Variants in NTM observed in about 807,000 individuals in gnomAD.
NTM encodes neurotrimin.
In NTM, 13 loss-of-function variants were observed where a neutral mutation model predicts 42.1. That is an observed-to-expected ratio of 0.31 (90% CI 0.20 to 0.49). NTM has a LOEUF of 0.49. Ranked by LOEUF, NTM falls within the 20% of genes least tolerant of loss-of-function variation. The pLI, the probability that NTM is intolerant of heterozygous loss-of-function variation, is 0.99. For missense variants in NTM, 373 were observed against 452.8 expected, an observed-to-expected ratio of 0.82 and a Z score of 1.60; for synonymous variants, 187 against 179.2, an observed-to-expected ratio of 1.04 and a Z score of -0.35.
At chr11:131,504,206 C>G (rs1213325069) in intron 1 of NTM, among the ~76,000 whole-genome samples, 1 of 152,208 alleles carries the variant, frequency 6.6e-6, no homozygotes, top group Non-Finnish European at 1.5e-5. Flanking sequence ...CTCACCCTTC[C>G]TATCTCTGTC....
chr11:131,533,840 A>C (rs2051688453), intron 1 of NTM: 1 of 152,244 alleles, frequency 6.6e-6, no homozygotes, highest in Admixed American at 6.5e-5. Context: ...GTCCAGCAAC[A>C]AAAGCCAATG....
intron 4 of NTM, among the ~76,000 whole-genome samples, chr11:132,299,595 G>A (rs1472010019): frequency 6.6e-6 from 1 of 152,140 alleles, no homozygotes; most frequent in East Asian, 1.9e-4. Context: ...TACGACTTAC[G>A]CACAGCTCAC....
chr11:132,041,523 T>G (rs1373701934), intron 2 of NTM, among the ~76,000 whole-genome samples: 1 of 152,190 alleles, frequency 6.6e-6, no homozygotes, highest in Non-Finnish European at 1.5e-5. Flanking sequence ...TCTCTGGGCA[T>G]TAATGTGCTG....
In NTM at chr11:131,609,188, G is replaced by C. The variant is rs556005824; in HGVS notation, c.82+238300G>C. Among the ~76,000 whole-genome samples the C allele has an allele frequency of 5.9e-5, 9 of 152,308 alleles. No individual in the cohort carries two copies. In the South Asian group the frequency reaches 1.9e-3, roughly 32 times the overall value. On this transcript the variant is annotated intron_variant, in intron 1 of 8. Coordinates refer to ENST00000683400, the MANE Select transcript of NTM (RefSeq NM_001352005.2). ...CTCTGCTTCTGTGCTCTGGATGGGA[G>C]AGATCTGACTGCCAGGGTTCCTTTC...
intron 2 of NTM, among the ~76,000 whole-genome samples, chr11:132,062,156 C>G (rs1043601990): frequency 6.6e-5 from 10 of 152,100 alleles, no homozygotes; most frequent in Admixed American, 6.6e-5. Context: ...AATTTACCAC[C>G]CCAGGTGCAA....
intron 1 of NTM, among the ~76,000 whole-genome samples, chr11:131,560,408 C>T (rs1164544322): frequency 6.6e-6 from 1 of 152,228 alleles, no homozygotes; most frequent in African/African-American, 2.4e-5. Flanking sequence ...TCCAACATGC[C>T]ATCAATTCTC....
At chr11:132,281,797 T>C (rs1437308721) in intron 4 of NTM, among the ~76,000 whole-genome samples, 1 of 152,212 alleles carries the variant, frequency 6.6e-6, no homozygotes, top group Non-Finnish European at 1.5e-5. Flanking sequence ...GCCTTGTGAA[T>C]TCTCACAGTT....
intron 1 of NTM, among the ~76,000 whole-genome samples, chr11:131,800,511 G>T (rs1052584279): frequency 6.6e-6 from 1 of 152,206 alleles, no homozygotes; most frequent in Non-Finnish European, 1.5e-5. Context: ...TAAAGAAATT[G>T]CATGAATACA....
intron 1 of NTM, among the ~76,000 whole-genome samples, chr11:131,856,985 C>A (rs934359188): frequency 6.6e-6 from 1 of 152,170 alleles, no homozygotes; most frequent in Non-Finnish European, 1.5e-5. Context: ...ATAAAAAAGC[C>A]CTTGATCCTT....
At chr11:131,939,618 A>G (rs1248224004) in intron 2 of NTM, among the ~76,000 whole-genome samples, 1 of 152,084 alleles carries the variant, frequency 6.6e-6, no homozygotes, top group Admixed American at 6.6e-5. Context: ...GGGCTGGCAC[A>G]CCTTTGGTGT....
chr11:131,526,053 C>A (rs988419120), intron 1 of NTM, among the ~76,000 whole-genome samples: 1 of 148,574 alleles, frequency 6.7e-6, no homozygotes, highest in African/African-American at 2.5e-5. Context: ...CCCTGTTGTA[C>A]AGGTGCAGGT....
chr11:131,865,329 G>A (rs1002669183), intron 1 of NTM, among the ~76,000 whole-genome samples: 1 of 152,182 alleles, frequency 6.6e-6, no homozygotes, highest in Non-Finnish European at 1.5e-5. Context: ...AGGTAACAAT[G>A]TGCTTGTGAG....
chr11:131,562,529 A>C (rs567854780), intron 1 of NTM, among the ~76,000 whole-genome samples: 8 of 152,152 alleles, frequency 5.3e-5, no homozygotes, highest in Non-Finnish European at 7.4e-5. Context: ...TTCCCCACCA[A>C]ATTCCCAAGG....
At chr11:131,749,548 C>T (rs546691781) in intron 1 of NTM, among the ~76,000 whole-genome samples, 1 of 152,310 alleles carries the variant, frequency 6.6e-6, no homozygotes, top group Admixed American at 6.5e-5. Context: ...CCCTGGGACA[C>T]ACCTCTGTTG....
intron 1 of NTM, among the ~76,000 whole-genome samples, chr11:131,479,383 C>T (rs114786944): frequency 2.0e-5 from 3 of 152,038 alleles, no homozygotes; most frequent in African/African-American, 7.2e-5. Flanking sequence ...ATGAGAGGTT[C>T]GAAGAACTGT....
At chr11:131,878,608 T>A (rs1417865206) in intron 1 of NTM, among the ~76,000 whole-genome samples, 157 of 7,692 alleles carry the variant, frequency 0.02, 26 homozygotes, top group East Asian at 0.17. Context: ...TATATATATA[T>A]ATATATATAT....
chr11:131,819,420 T>C (rs768729041), intron 1 of NTM, among the ~76,000 whole-genome samples: 1 of 152,214 alleles, frequency 6.6e-6, no homozygotes, highest in Non-Finnish European at 1.5e-5. Flanking sequence ...CACATCCTAC[T>C]GTCCTGCTCA....
chr11:132,166,286 C>T (rs769013953), intron 3 of NTM, among the ~76,000 whole-genome samples: 7 of 152,076 alleles, frequency 4.6e-5, no homozygotes, highest in Non-Finnish European at 8.8e-5. Flanking sequence ...TGAGTCAACC[C>T]GCCTTGCCCA....
intron 3 of NTM, among the ~76,000 whole-genome samples, chr11:132,195,856 A>C (rs2080126506): frequency 6.6e-6 from 1 of 152,218 alleles, no homozygotes; most frequent in African/African-American, 2.4e-5. Flanking sequence ...AAAACCCTTG[A>C]AAACAAACCA....
Sources: gnomAD v4.1 joint callset for allele counts (sites outside exome capture counted in the v4.1 genomes callset) on GRCh38, gnomAD v4.1.1 for gene constraint, MANE v1.5 for transcripts, NCBI Gene and HGNC (gene_info 2026-07-23, HGNC 2026-07-21) for gene names.